The following FRMD4A variants were observed in gnomAD, a reference collection of about 807,000 sequenced individuals.
FRMD4A encodes the protein FERM domain-containing protein 4A.
Under a neutral mutation model 129.1 loss-of-function variants are expected in FRMD4A, and 29 were observed. The observed-to-expected ratio is 0.22, with a 90% CI of 0.17 to 0.31. The LOEUF (loss-of-function observed/expected upper bound fraction) is 0.31. FRMD4A is among the 10% of genes least tolerant of loss of function. The pLI is 1.00. For missense variants in FRMD4A, 1,272 were observed against 1,375.8 expected (o/e 0.92, Z 1.19); for synonymous variants, 634 against 571.6 (o/e 1.11, Z -1.56).
At chr10:14,078,392 T>C (rs1588923844) in intron 2 of FRMD4A, among the ~76,000 whole-genome samples, 4 of 152,234 alleles carry the variant, frequency 2.6e-5, no homozygotes. Flanking sequence ...TGGGAAATCT[T>C]CCGACTTGTG....
intron 2 of FRMD4A, among the ~76,000 whole-genome samples, chr10:14,104,610 C>A (rs1053318179): frequency 2.6e-5 from 4 of 152,200 alleles, no homozygotes; most frequent in African/African-American, 9.6e-5. Flanking sequence ...CCCAGCCCGA[C>A]CTGAGTAGAA....
At chr10:14,170,960 C>T (rs1001045076) in intron 2 of FRMD4A, among the ~76,000 whole-genome samples, 1 of 151,906 alleles carries the variant, frequency 6.6e-6, no homozygotes, top group Admixed American at 6.6e-5. Flanking sequence ...TACCAAAGTG[C>T]TCCCTGCAAA....
chr10:13,850,756 G>C (rs2094129544), intron 3 of FRMD4A, among the ~76,000 whole-genome samples: 1 of 152,214 alleles, frequency 6.6e-6, no homozygotes, highest in Non-Finnish European at 1.5e-5. Context: ...GCAGTGAAAA[G>C]AGAATGGGCT....
At chr10:13,997,624 C>CTTTTT (rs775846641) in intron 2 of FRMD4A, among the ~76,000 whole-genome samples, 12 of 86,182 alleles carry the variant, frequency 1.4e-4, no homozygotes, top group African/African-American at 1.7e-4. Flanking sequence ...CTTTTCTTTT[C>CTTTTT]TTTTTTTTTT....
intron 12 of FRMD4A, among the ~76,000 whole-genome samples, chr10:13,727,515 C>T (rs1002524065): frequency 4.6e-5 from 7 of 152,110 alleles, no homozygotes; most frequent in Non-Finnish European, 1.5e-5. Flanking sequence ...TTCCGAGTTT[C>T]GTCTAGGTTG....
At chr10:14,060,277 T>G (rs1834745275) in intron 2 of FRMD4A, among the ~76,000 whole-genome samples, 1 of 152,124 alleles carries the variant, frequency 6.6e-6, no homozygotes, top group Non-Finnish European at 1.5e-5. Flanking sequence ...GAGGCACAGA[T>G]TGGATTCTCA....
chr10:13,842,064 C>T lies in FRMD4A; in HGVS notation c.111+16783G>A, dbSNP rs191809763. The stretch of plus-strand genomic sequence containing the variant: ...ATACCTTGTTCCTCTCACAACAGGG[C>T]TTTGTCAGTCACAGAGAGGCTATTA... On this transcript the variant is annotated intron_variant, in intron 3 of 24. Coordinates refer to ENST00000357447, the MANE Select transcript of FRMD4A (RefSeq NM_018027.5). Among the ~76,000 whole-genome samples, 20 of 152,286 alleles carry T rather than the reference C, an allele frequency of 1.3e-4. No homozygotes were observed. In the East Asian group the frequency reaches 3.1e-3, roughly 24 times the overall value.
intron 13 of FRMD4A, among the ~76,000 whole-genome samples, chr10:13,702,567 T>TGTGC (rs1491427722): frequency 2.5e-4 from 38 of 149,366 alleles, no homozygotes; most frequent in Admixed American, 2.0e-3. Context: ...TGTGTGTGTG[T>TGTGC]GCGCATGCAT....
intron 2 of FRMD4A, among the ~76,000 whole-genome samples, chr10:14,276,616 G>C (rs1218354): frequency 0.096 from 14,629 of 152,146 alleles, 1,718 homozygotes; most frequent in African/African-American, 0.28. Context: ...CCCAAAGTTG[G>C]GTAAAATTGT....
At chr10:14,043,334 G>T (rs1477709818) in intron 2 of FRMD4A, among the ~76,000 whole-genome samples, 1 of 152,138 alleles carries the variant, frequency 6.6e-6, no homozygotes, top group Non-Finnish European at 1.5e-5. Context: ...TGGATATAAA[G>T]GTGATACTCA....
intron 2 of FRMD4A, among the ~76,000 whole-genome samples, chr10:14,295,335 T>C (rs1218461): frequency 2.6e-5 from 4 of 152,104 alleles, no homozygotes; most frequent in Non-Finnish European, 5.9e-5. Flanking sequence ...TCACTTTTAT[T>C]TGATTTTTTT....
At chr10:14,174,866 AGTGTGTGTGTGTCTGTGTGTGT>A (rs1342393559) in intron 2 of FRMD4A, among the ~76,000 whole-genome samples, 233 of 139,624 alleles carry the variant, frequency 1.7e-3, no homozygotes, top group Middle Eastern at 3.7e-3. Context: ...TAAAAAAAAA[AGTGTGTGTGTGTCTGTGTGTGT>A]GTGTGTGTGT....
chr10:14,251,019 A>G (rs777153312), intron 2 of FRMD4A, among the ~76,000 whole-genome samples: 3 of 152,158 alleles, frequency 2.0e-5, no homozygotes, highest in Non-Finnish European at 4.4e-5. Context: ...CTTTCAAGAG[A>G]TCACAGTGCC....
intron 12 of FRMD4A, among the ~76,000 whole-genome samples, chr10:13,733,535 G>A (rs2090445788): frequency 6.6e-6 from 1 of 152,130 alleles, no homozygotes; most frequent in Non-Finnish European, 1.5e-5. Flanking sequence ...TGATTCTCCT[G>A]CCTCAGCTTC....
chr10:14,245,130 T>C (rs1844185946), intron 2 of FRMD4A, among the ~76,000 whole-genome samples: 1 of 152,170 alleles, frequency 6.6e-6, no homozygotes, highest in Non-Finnish European at 1.5e-5. Flanking sequence ...TCATGGACAT[T>C]GCACAACCAC....
At chr10:13,850,523 T>C (rs2094126610) in intron 3 of FRMD4A, among the ~76,000 whole-genome samples, 1 of 152,168 alleles carries the variant, frequency 6.6e-6, no homozygotes, top group Admixed American at 6.5e-5. Context: ...ATGTGTCACA[T>C]GTTTCAGGCT....
intron 6 of FRMD4A, among the ~76,000 whole-genome samples, chr10:13,782,678 G>A (rs565445749): frequency 2.3e-3 from 346 of 152,244 alleles, no homozygotes; most frequent in Non-Finnish European, 3.5e-3. Flanking sequence ...TCTTGACCAC[G>A]TGATCCACCC....
chr10:13,993,490 G>C (rs1231410247), intron 2 of FRMD4A, among the ~76,000 whole-genome samples: 1 of 152,190 alleles, frequency 6.6e-6, no homozygotes, highest in Non-Finnish European at 1.5e-5. Context: ...CTAGTTTTAA[G>C]TAGGACCACA....
At chr10:14,288,909 C>T (rs529073259) in intron 2 of FRMD4A, among the ~76,000 whole-genome samples, 40 of 152,294 alleles carry the variant, frequency 2.6e-4, no homozygotes, top group African/African-American at 9.4e-4. Flanking sequence ...TTTCACTTAA[C>T]ATAATGTCCT....
Sources: gnomAD v4.1 joint callset for allele counts (sites outside exome capture counted in the v4.1 genomes callset) on GRCh38, gnomAD v4.1.1 for gene constraint, MANE v1.5 for transcripts, NCBI Gene and HGNC (gene_info 2026-07-23, HGNC 2026-07-21) for gene names.